Variants in ZDHHC15 observed in about 807,000 individuals in gnomAD.
The protein encoded by ZDHHC15 is palmitoyltransferase ZDHHC15.
ZDHHC15 carries 19 observed loss-of-function variants against 31.7 expected under a neutral mutation model. The observed-to-expected ratio is 0.60, with a 90% CI of 0.42 to 0.88. ZDHHC15 has a LOEUF of 0.88. Ranked by LOEUF, ZDHHC15 falls within the 40% of genes least tolerant of loss-of-function variation. ZDHHC15 has a pLI of 0.00. For missense variants in ZDHHC15, 209 were observed against 251.2 expected (o/e 0.83, Z 1.14); for synonymous variants, 103 against 90.0 (o/e 1.14, Z -0.82).
At chrX:75,488,893 C>T (rs972178659) in intron 2 of ZDHHC15, among the ~76,000 whole-genome samples, 1 of 112,103 alleles carries the variant, frequency 8.9e-6, no homozygotes, top group Non-Finnish European at 1.9e-5. Context: ...TCGGGTCACT[C>T]CCACCCTAAT....
chrX:75,477,861 A>C (rs1453540244), intron 3 of ZDHHC15, among the ~76,000 whole-genome samples: 1 of 112,039 alleles, frequency 8.9e-6, no homozygotes, highest in Non-Finnish European at 1.9e-5. Context: ...TGTTTCAAGT[A>C]ATTACTTATT....
intron 10 of ZDHHC15, among the ~76,000 whole-genome samples, chrX:75,415,606 T>A (rs2083540552): frequency 1.8e-5 from 2 of 112,232 alleles, no homozygotes; most frequent in South Asian, 3.7e-4. Context: ...GAGATTAACA[T>A]CTCTCAATTT....
chrX:75,424,859 G>T, intron 7 of ZDHHC15, 75 bp from the exon 8 acceptor site: 1 of 1,021,999 alleles, frequency 9.8e-7, no homozygotes, highest in East Asian at 3.5e-5. Flanking sequence ...ATATAGGTTA[G>T]TAGTTTTCAC....
chrX:75,394,620 C>T (rs1365944404), intron 10 of ZDHHC15, among the ~76,000 whole-genome samples: 2 of 111,704 alleles, frequency 1.8e-5, no homozygotes, highest in African/African-American at 3.3e-5. Flanking sequence ...TATAAGAAGA[C>T]ACAAGGAAGG....
chrX:75,491,321 T>C (rs964260653), intron 2 of ZDHHC15, among the ~76,000 whole-genome samples: 3 of 109,267 alleles, frequency 2.7e-5, no homozygotes, highest in Non-Finnish European at 5.7e-5. Flanking sequence ...TTCATGTCCT[T>C]TGTAGGGACA....
intron 10 of ZDHHC15, among the ~76,000 whole-genome samples, chrX:75,400,090 T>C (rs1357991779): frequency 9.0e-6 from 1 of 111,481 alleles, no homozygotes; most frequent in Non-Finnish European, 1.9e-5. Flanking sequence ...CTCCAAATGA[T>C]TGTACAACTT....
intron 2 of ZDHHC15, among the ~76,000 whole-genome samples, chrX:75,488,475 G>C (rs1256322955): frequency 1.8e-5 from 2 of 112,373 alleles, no homozygotes; most frequent in Non-Finnish European, 3.8e-5. Flanking sequence ...AATGCTGAGA[G>C]AATTTGCCAT....
chrX:75,423,713 A>T (rs1475329654), intron 8 of ZDHHC15, among the ~76,000 whole-genome samples: 2 of 106,637 alleles, frequency 1.9e-5, no homozygotes, highest in Non-Finnish European at 3.9e-5. Context: ...CTGGTCTCAA[A>T]CTCCTCAGCT....
At chrX:75,400,371 A>G (rs1313728760) in intron 10 of ZDHHC15, among the ~76,000 whole-genome samples, 3 of 111,897 alleles carry the variant, frequency 2.7e-5, no homozygotes, top group Non-Finnish European at 3.8e-5. Context: ...CAAGCTGAGG[A>G]AAGAATCTCA....
chrX:75,514,141 A>G (rs2085319522), intron 1 of ZDHHC15, among the ~76,000 whole-genome samples: 1 of 113,038 alleles, frequency 8.8e-6, no homozygotes, highest in Non-Finnish European at 1.9e-5. Context: ...AGAAAAACTG[A>G]AAAGGCACTC....
intron 10 of ZDHHC15, among the ~76,000 whole-genome samples, chrX:75,388,859 C>A (rs951949941): frequency 1.2e-4 from 14 of 112,235 alleles, no homozygotes; most frequent in Non-Finnish European, 1.9e-4. Context: ...AATTGAGCAA[C>A]TACTTACACA....
At chrX:75,476,289 A>G (rs1357400993) in intron 3 of ZDHHC15, among the ~76,000 whole-genome samples, 2 of 110,294 alleles carry the variant, frequency 1.8e-5, no homozygotes, top group Non-Finnish European at 3.8e-5. Context: ...ATTGATGTTA[A>G]TTATTCCTTA....
At chrX:75,508,514 A>C (rs1467790917) in intron 1 of ZDHHC15, among the ~76,000 whole-genome samples, 1 of 109,035 alleles carries the variant, frequency 9.2e-6, no homozygotes, top group Non-Finnish European at 1.9e-5. Context: ...TCCATGGTGT[A>C]TATGTGCCAC....
At chrX:75,513,120 C>G (rs999803225) in intron 1 of ZDHHC15, among the ~76,000 whole-genome samples, 3 of 109,441 alleles carry the variant, frequency 2.7e-5, no homozygotes, top group South Asian at 3.9e-4. Context: ...CTTCCTTACA[C>G]CTTATACAAA....
intron 10 of ZDHHC15, among the ~76,000 whole-genome samples, chrX:75,382,002 A>G (rs1328197680): frequency 8.9e-6 from 1 of 111,952 alleles, no homozygotes; most frequent in Non-Finnish European, 1.9e-5. Context: ...TGATATACTC[A>G]GGTTTAAACA....
chrX:75,490,534 A>T (rs915504484), intron 2 of ZDHHC15, among the ~76,000 whole-genome samples: 14 of 111,552 alleles, frequency 1.3e-4, no homozygotes, highest in Non-Finnish European at 1.1e-4. Flanking sequence ...GAAGAAAGTC[A>T]TTGGTAGCTT....
At chrX:75,443,456 C>A (rs1602633395) in intron 4 of ZDHHC15, among the ~76,000 whole-genome samples, 1 of 111,619 alleles carries the variant, frequency 9.0e-6, no homozygotes, top group Non-Finnish European at 1.9e-5. Context: ...ACAACTTATA[C>A]AAAAATTAAT....
At chrX:75,414,533 C>G (rs899001293) in intron 10 of ZDHHC15, among the ~76,000 whole-genome samples, 7 of 99,838 alleles carry the variant, frequency 7.0e-5, no homozygotes, top group Middle Eastern at 5.9e-3. Context: ...CGATTCATGC[C>G]ATTCTCCTGC....
chrX:75,372,046 A>C lies in ZDHHC15; in HGVS notation c.*932T>G, dbSNP rs755683719. 8.9e-6 allele frequency: 1 copy of C among 112,067 alleles called. No individual in the cohort carries two copies. Among genetic ancestry groups the C allele is most frequent in the South Asian group, 3.8e-4 (1 of 2,660 alleles). The allele number at this position is 112,067 out of a possible 1,213,427, so 9.2% of individuals were successfully genotyped here. On this transcript the variant is annotated 3_prime_UTR_variant, in exon 12 of 12. Coordinates refer to ENST00000373367, the MANE Select transcript of ZDHHC15 (RefSeq NM_144969.3). Reference sequence around the variant, plus strand: ...TGAAAGGCAGTGAAATTAAACCTGAAAATCACTCTGAAAACCCTTAACAAA... The same window carrying C: ...TGAAAGGCAGTGAAATTAAACCTGACAATCACTCTGAAAACCCTTAACAAA...
Sources: gnomAD v4.1 joint callset for allele counts (sites outside exome capture counted in the v4.1 genomes callset) on GRCh38, gnomAD v4.1.1 for gene constraint, MANE v1.5 for transcripts, NCBI Gene and HGNC (gene_info 2026-07-23, HGNC 2026-07-21) for gene names.